ZBED6: variants seen among roughly 807,000 people sequenced by gnomAD.
The protein encoded by ZBED6 is zinc finger BED-type containing 6.
In ZBED6, 40 loss-of-function variants were observed where a neutral mutation model predicts 58.4. The observed-to-expected ratio is 0.68, with a 90% CI of 0.53 to 0.89. ZBED6 has a LOEUF of 0.89. Ranked by LOEUF, ZBED6 falls within the 40% of genes least tolerant of loss-of-function variation. The pLI is 0.00. For missense variants in ZBED6, 1,057 were observed against 1,003.9 expected, an observed-to-expected ratio of 1.05 and a Z score of -0.71; for synonymous variants, 439 against 350.6, an observed-to-expected ratio of 1.25 and a Z score of -2.82.
exon 1 of ZBED6, chr1:203,797,969 C>T: frequency 6.5e-7 from 1 of 1,535,446 alleles, no homozygotes; most frequent in Admixed American, 2.0e-5. Flanking sequence ...CCTGGCGGGC[C>T]ATTTGTAACC....
intron 1 of ZBED6, among the ~76,000 whole-genome samples, chr1:203,810,976 CAAA>C (rs879833403): frequency 9.0e-6 from 1 of 111,578 alleles, no homozygotes. Context: ...ACTAAAAATA[CAAA>C]AAAAAAAAAA....
intron 3 of ZBED6, among the ~76,000 whole-genome samples, chr1:203,827,627 A>T (rs969858117): frequency 6.6e-6 from 1 of 151,410 alleles, no homozygotes; most frequent in Non-Finnish European, 1.5e-5. Context: ...GCTTGCAGTG[A>T]GCGGAGATCG....
intron 10 of ZBED6, among the ~76,000 whole-genome samples, chr1:203,838,885 G>A (rs1402541316): frequency 6.6e-6 from 1 of 150,436 alleles, no homozygotes; most frequent in Non-Finnish European, 1.5e-5. Context: ...CCTGGAAGGC[G>A]GAGGTTACAG....
chr1:203,809,945 ACT>A (rs989772447), intron 1 of ZBED6, among the ~76,000 whole-genome samples: 18 of 151,974 alleles, frequency 1.2e-4, no homozygotes, highest in African/African-American at 3.4e-4. Flanking sequence ...ACAGAGCGAG[ACT>A]CTCTCAAAAA....
At chr1:203,829,429 A>G in intron 4 of ZBED6, 22 bp from the exon 5 acceptor site, 2 of 1,613,586 alleles carry the variant, frequency 1.2e-6, no homozygotes, top group South Asian at 1.1e-5. Flanking sequence ...TTTTTAATTT[A>G]TGACTGATTT....
At chr1:203,796,741 TA>T in exon 1 of ZBED6, 1 of 322,618 alleles carries the variant, frequency 3.1e-6, no homozygotes, top group Non-Finnish European at 5.6e-6. Flanking sequence ...TTCTCAAGTC[TA>T]AAAATATCTG....
At chr1:203,796,192 T>C (rs1668428925) in exon 1 of ZBED6, 1 of 380,388 alleles carries the variant, frequency 2.6e-6, no homozygotes, top group Non-Finnish European at 4.6e-6. Flanking sequence ...TAGATTGCTT[T>C]CTTCGGGGCA....
chr1:203,819,683 C>T (rs944637762), intron 3 of ZBED6, among the ~76,000 whole-genome samples: 2 of 150,744 alleles, frequency 1.3e-5, no homozygotes, highest in Non-Finnish European at 3.0e-5. Context: ...TACAGGCATG[C>T]ACTACCATGC....
chr1:203,819,219 T>C (rs1426704054), intron 3 of ZBED6, among the ~76,000 whole-genome samples: 2 of 151,048 alleles, frequency 1.3e-5, no homozygotes, highest in Non-Finnish European at 1.5e-5. Flanking sequence ...TTTTTTTCTT[T>C]CTTTTTATTT....
chr1:203,819,529 A>ATTTTTTTTTTTTTTTTTTTT (rs755259647), intron 3 of ZBED6, among the ~76,000 whole-genome samples: 2 of 72,878 alleles, frequency 2.7e-5, no homozygotes, highest in Admixed American at 1.5e-4. Flanking sequence ...GCTGACTCCA[A>ATTTTTTTTTTTTTTTTTTTT]TTTTTTTTTT....
chr1:203,836,325 G>A lies in ZBED6; in HGVS notation c.*3574-1641G>A, dbSNP rs965204970. Reference sequence around the variant, plus strand: ...TATTTAAATTATAAATGAGGGGAGAGAAACAATCATACTCTGTGTAGGGTC... The same window carrying A: ...TATTTAAATTATAAATGAGGGGAGAAAAACAATCATACTCTGTGTAGGGTC... On this transcript the variant is annotated intron_variant, in intron 9 of 16. Transcript: ENST00000550078. Among the ~76,000 whole-genome samples the A allele has an allele frequency of 2.6e-5, 4 of 152,084 alleles. No individual in the cohort carries two copies. In the South Asian group the frequency reaches 8.3e-4, roughly 31 times the overall value.
intron 9 of ZBED6, among the ~76,000 whole-genome samples, chr1:203,836,649 G>A (rs928016513): frequency 6.6e-5 from 10 of 152,278 alleles, no homozygotes; most frequent in East Asian, 3.9e-4. Context: ...GGTGGCATGC[G>A]CCTGTAATTC....
At chr1:203,831,832 A>G (rs755564917) in intron 8 of ZBED6, 61 bp downstream of exon 8, 3 of 1,356,654 alleles carry the variant, frequency 2.2e-6, no homozygotes, top group South Asian at 1.3e-5. Flanking sequence ...TGGGAATGCA[A>G]AATCCTTGGG....
chr1:203,819,168 ATG>A (rs1315826972), intron 3 of ZBED6, among the ~76,000 whole-genome samples: 10 of 146,898 alleles, frequency 6.8e-5, no homozygotes, highest in African/African-American at 2.2e-4. Context: ...ACGTGTATAT[ATG>A]TGTGTGTATA....
chr1:203,808,937 TCTC>T (rs1383521435), intron 1 of ZBED6, among the ~76,000 whole-genome samples: 2 of 152,022 alleles, frequency 1.3e-5, no homozygotes, highest in Non-Finnish European at 2.9e-5. Context: ...TTCAGGTGAT[TCTC>T]CTGCCTCAGC....
chr1:203,825,560 G>T (rs1022983857), intron 3 of ZBED6, among the ~76,000 whole-genome samples: 1 of 149,416 alleles, frequency 6.7e-6, no homozygotes, highest in Admixed American at 6.8e-5. Flanking sequence ...TCAGCCTCCC[G>T]CATAGCTGGG....
intron 3 of ZBED6, among the ~76,000 whole-genome samples, chr1:203,818,897 A>G (rs567505788): frequency 6.6e-6 from 1 of 151,768 alleles, no homozygotes; most frequent in East Asian, 2.0e-4. Context: ...GTGAAACCCC[A>G]TCTCTACTAA....
At chr1:203,833,444 T>C (rs1249715664) in intron 8 of ZBED6, among the ~76,000 whole-genome samples, 1 of 150,744 alleles carries the variant, frequency 6.6e-6, no homozygotes, top group Non-Finnish European at 1.5e-5. Context: ...GACAGGAGAA[T>C]TGCTTGAACC....
At chr1:203,825,583 C>CT (rs1209648706) in intron 3 of ZBED6, among the ~76,000 whole-genome samples, 1 of 151,964 alleles carries the variant, frequency 6.6e-6, no homozygotes, top group East Asian at 1.9e-4. Flanking sequence ...TACAGGCGCC[C>CT]TCCACCATGC....
Sources: allele counts gnomAD v4.1 joint callset (sites outside exome capture counted in the v4.1 genomes callset), GRCh38; gene constraint gnomAD v4.1.1; transcripts MANE v1.5; gene names NCBI Gene and HGNC (gene_info 2026-07-23, HGNC 2026-07-21).